Variants in GLIPR1 observed in about 807,000 individuals in gnomAD.
The protein encoded by GLIPR1 is GLI pathogenesis related 1.
Under a neutral mutation model 30.3 loss-of-function variants are expected in GLIPR1, and 38 were observed. The observed-to-expected ratio is 1.26, with a 90% CI of 0.97 to 1.65. GLIPR1 has a LOEUF of 1.65. GLIPR1 is among the 40% of genes most tolerant of loss of function. The pLI is 0.00. For missense variants in GLIPR1, 285 were observed against 326.5 expected (o/e 0.87, Z 0.98); for synonymous variants, 122 against 110.6 (o/e 1.10, Z -0.65).
chr12:75,494,826 G>C (rs2046341168), intron 3 of GLIPR1: 1 of 152,162 alleles, frequency 6.6e-6, no homozygotes, highest in Non-Finnish European at 1.5e-5. Context: ...TTTCTAGTCT[G>C]TGACCTTGGT....
rs760471161 is a variant in GLIPR1 at position 75,490,521 on chromosome 12, A to G, written c.533+3A>G. On this transcript the variant is annotated splice_donor_region_variant and intron_variant, in intron 3 of 5. Transcript: ENST00000266659. ...TTTATATGCAACTACGGACCAGGGT[A>G]AGTGCCTGAATCAACCGGTTTATAG... 10 of 933,604 alleles carry G rather than the reference A, an allele frequency of 1.1e-5. No individual in the cohort carries two copies. Among genetic ancestry groups the G allele is most frequent in the African/African-American group, 1.8e-5 (1 of 54,950 alleles). 57.8% of individuals were successfully genotyped at this position (933,604 alleles called of 1,614,324 possible). A position where few individuals can be genotyped will look rare whatever the true frequency, so the allele number is the denominator to read the frequency against.
intron 2 of GLIPR1, chr12:75,483,793 C>T (rs2046281827): frequency 6.6e-6 from 1 of 152,144 alleles, no homozygotes; most frequent in Non-Finnish European, 1.5e-5. Context: ...AGAGAATTCT[C>T]AGCAAGGTGT....
chr12:75,502,150 A>G lies in GLIPR1; in HGVS notation c.*3172A>G, dbSNP rs2046398766. On this transcript the variant is annotated 3_prime_UTR_variant, in exon 6 of 6. Transcript: ENST00000266659. ...AGTGACATAAAGGAAACAGAGTCTA[A>G]GCTGAGGGGAATACATACACAAAAG... The G allele has an allele frequency of 1.6e-6, 1 of 640,030 alleles. No homozygotes were observed. The highest frequency in any genetic ancestry group is 2.7e-6 in the Non-Finnish European group (1 of 366,322). 39.6% of individuals were successfully genotyped at this position (640,030 alleles called of 1,614,324 possible).
chr12:75,481,621 A>C (rs2046271365), intron 1 of GLIPR1, among the ~76,000 whole-genome samples: 1 of 152,102 alleles, frequency 6.6e-6, no homozygotes, highest in African/African-American at 2.4e-5. Context: ...GTGAAATGTC[A>C]GTTTTCCTCA....
At position 75,499,956 on chromosome 12, in the gene GLIPR1, A is replaced by T; in HGVS notation, c.*978A>T. The T allele has an allele frequency of 6.3e-7, 1 of 1,589,174 alleles. No homozygotes were observed. Among genetic ancestry groups the T allele is most frequent in the Non-Finnish European group, 8.5e-7 (1 of 1,172,582 alleles). ...CAATTTTAGTTTCAGTAGAAGCTAGACAAATTAAAAGCACAACACATGTAA... is the reference window on the plus strand; with the variant it reads ...CAATTTTAGTTTCAGTAGAAGCTAGTCAAATTAAAAGCACAACACATGTAA... On this transcript the variant is annotated 3_prime_UTR_variant, in exon 6 of 6. Coordinates refer to ENST00000266659, the MANE Select transcript of GLIPR1 (RefSeq NM_006851.3).
intron 2 of GLIPR1, chr12:75,483,721 G>T (rs1331809628): frequency 1.3e-5 from 2 of 152,190 alleles, no homozygotes; most frequent in Non-Finnish European, 2.9e-5. Context: ...TCACACTGCT[G>T]GAGACATGTG....
At chr12:75,483,352 CTTTCA>C (rs1162601458) in intron 2 of GLIPR1, 1 of 152,106 alleles carries the variant, frequency 6.6e-6, no homozygotes, top group Non-Finnish European at 1.5e-5. Flanking sequence ...AGGGTGCCTA[CTTTCA>C]TTTATTTATT....
intron 3 of GLIPR1, chr12:75,494,668 AC>A (rs2046340144): frequency 6.6e-6 from 1 of 152,236 alleles, no homozygotes; most frequent in Non-Finnish European, 1.5e-5. Flanking sequence ...GGGTACGATT[AC>A]ACAAAAAAGT....
rs200527675 is a variant in GLIPR1, at chr12:75,498,967, C to A, written c.790C>A (p.Leu264Ile). The A allele has an allele frequency of 4.0e-4, 632 of 1,589,996 alleles. 1 individual carries two copies. Among genetic ancestry groups the A allele is most frequent in the Non-Finnish European group, 3.6e-4 (425 of 1,170,918 alleles). ...ACAGCACAAGTACCCTAATTTAGTT[C>A]TTTTGGACTAATACAATTCAGGAAA... The part of the protein sequence containing the change: ...LVQHKYPNLV[L>I]LD Residue 264 changes from leucine (L) to isoleucine (I), a missense_variant, in exon 6 of 6, where the codon CTT (leucine) becomes ATT (isoleucine). By Grantham distance (5) the Leu-to-Ile change is conservative. Transcript: ENST00000266659.
intron 2 of GLIPR1, among the ~76,000 whole-genome samples, chr12:75,486,481 A>G (rs1378202300): frequency 1.3e-5 from 2 of 152,296 alleles, no homozygotes; most frequent in East Asian, 1.9e-4. Flanking sequence ...TTTAATAGAT[A>G]AGGAACCTAA....
rs2046384524 is a variant in GLIPR1, at chr12:75,500,474, T to G, written c.*1496T>G. 1 of 126,466 alleles carries G rather than the reference T, an allele frequency of 7.9e-6. No homozygotes were observed. The highest frequency in any genetic ancestry group is 2.8e-4 in the South Asian group (1 of 3,598). 7.8% of individuals were successfully genotyped at this position (126,466 alleles called of 1,614,324 possible). On this transcript the variant is annotated 3_prime_UTR_variant, in exon 6 of 6. Transcript: ENST00000266659. ...AGTTTTCCAAATATTAATTCAATAT[T>G]AATTGAATATTCAATGAATTAATTC...
rs67599616 is a variant in GLIPR1 at position 75,496,009 on chromosome 12, G to GTT, written c.619+358_619+359dup. 1,175 of 139,556 alleles carry GTT rather than the reference G, an allele frequency of 8.4e-3. 22 individuals carry two copies. Among genetic ancestry groups the GTT allele is most frequent in the African/African-American group, 0.016 (577 of 35,588 alleles). The allele number at this position is 139,556 out of a possible 1,614,324, so 8.6% of individuals were successfully genotyped here. A position where few individuals can be genotyped will look rare whatever the true frequency, so the allele number is the denominator to read the frequency against. On this transcript the variant is annotated intron_variant, in intron 4 of 5. Transcript: ENST00000266659. ...GAATTCTGTTTTCGTTTTTTTTTTT[G>GTT]TTTTTTTTTTTTGAGACAGAGTCTT... is the stretch of plus-strand genomic sequence containing the variant.
At chr12:75,490,630 G>T in intron 3 of GLIPR1, 112 bp downstream of exon 3, 1 of 556,974 alleles carries the variant, frequency 1.8e-6, no homozygotes, top group South Asian at 2.1e-5. Flanking sequence ...AGAAAATCTG[G>T]ATAAAGTATA....
intron 4 of GLIPR1, chr12:75,497,124 A>AC (rs1172716044): frequency 3.3e-5 from 5 of 152,204 alleles, no homozygotes; most frequent in Non-Finnish European, 7.3e-5. Context: ...GTTTTGGTGC[A>AC]ATTTCCAGTT....
chr12:75,495,455 C>G, intron 3 of GLIPR1, 122 bp from the exon 4 acceptor site: 1 of 599,576 alleles, frequency 1.7e-6, no homozygotes. Flanking sequence ...CTTCTATTAC[C>G]AACTCTCTGG....
intron 3 of GLIPR1, chr12:75,492,779 G>A (rs1345403903): frequency 2.6e-5 from 4 of 152,146 alleles, no homozygotes; most frequent in East Asian, 1.9e-4. Flanking sequence ...GGCAGTCTCT[G>A]TCTTTATGAG....
intron 2 of GLIPR1, chr12:75,484,037 A>G (rs2046282877): frequency 6.6e-6 from 1 of 152,220 alleles, no homozygotes; most frequent in Non-Finnish European, 1.5e-5. Flanking sequence ...TCCCAAAATT[A>G]ACTGAGCTTA....
rs1233067085 is a variant in GLIPR1, at chr12:75,501,513, A to ACTGT, written c.*2537_*2540dup. The stretch of plus-strand genomic sequence containing the variant: ...AGCACAGACCAGAGGTCAGGAGAGG[A>ACTGT]CTGTCAATCCAGTTTGCACTGAAAT... On this transcript the variant is annotated 3_prime_UTR_variant, in exon 6 of 6. Transcript: ENST00000266659. 1.1e-5 allele frequency: 6 copies of ACTGT among 523,396 alleles called. No homozygotes were observed. Among genetic ancestry groups the ACTGT allele is most frequent in the African/African-American group, 5.8e-5 (3 of 52,126 alleles). The allele number at this position is 523,396 out of a possible 1,614,324, so 32.4% of individuals were successfully genotyped here. A position where few individuals can be genotyped will look rare whatever the true frequency, so the allele number is the denominator to read the frequency against.
At position 75,480,795 on chromosome 12, in the gene GLIPR1, G is replaced by C. The variant is rs1340925179; in HGVS notation, c.-86G>C. On this transcript the variant is annotated 5_prime_UTR_variant, in exon 1 of 6. Coordinates refer to ENST00000266659, the MANE Select transcript of GLIPR1 (RefSeq NM_006851.3). ...TGAAGTCGGCTAGGTTTGCAAAGCT[G>C]TGGGCTGAGCACTCAGGCAATCACA... is the stretch of plus-strand genomic sequence containing the variant. The C allele has an allele frequency of 1.5e-5, 15 of 1,013,246 alleles. No individual in the cohort carries two copies. The highest frequency in any genetic ancestry group is 2.2e-5 in the Non-Finnish European group (15 of 680,564). 62.8% of individuals were successfully genotyped at this position (1,013,246 alleles called of 1,614,324 possible).
Sources: gnomAD v4.1 joint callset for allele counts (sites outside exome capture counted in the v4.1 genomes callset) on GRCh38, gnomAD v4.1.1 for gene constraint, MANE v1.5 for transcripts, NCBI Gene and HGNC (gene_info 2026-07-23, HGNC 2026-07-21) for gene names.